ST6GAL2: variants seen among roughly 807,000 people sequenced by gnomAD.
ST6GAL2 encodes ST6 beta-galactoside alpha-2,6-sialyltransferase 2.
In ST6GAL2, 24 loss-of-function variants were observed where a neutral mutation model predicts 37.5. The observed-to-expected ratio is 0.64, with a 90% CI of 0.46 to 0.90. ST6GAL2 has a LOEUF of 0.90. ST6GAL2 is among the 40% of genes least tolerant of loss of function. The probability of loss-of-function intolerance (pLI) is 0.00; values close to 1 mark genes in which losing one functional copy is unlikely to be tolerated. For synonymous variants in ST6GAL2, 306 were observed against 295.1 expected, an observed-to-expected ratio of 1.04 and a Z score of -0.38; for missense variants, 715 against 712.7, an observed-to-expected ratio of 1.00 and a Z score of -0.04.
At chr2:106,819,528 A>T (rs920886345) in intron 5 of ST6GAL2, among the ~76,000 whole-genome samples, 2 of 152,138 alleles carry the variant, frequency 1.3e-5, no homozygotes, top group African/African-American at 4.8e-5. Flanking sequence ...TCCTTCAAAC[A>T]TAAAGGAGAA....
chr2:106,869,998 G>A (rs967035735), intron 1 of ST6GAL2, among the ~76,000 whole-genome samples: 1 of 152,156 alleles, frequency 6.6e-6, no homozygotes, highest in Non-Finnish European at 1.5e-5. Flanking sequence ...GTGGTGTGAC[G>A]GACCAACACA....
At chr2:106,838,315 G>A (rs1296715765) in intron 2 of ST6GAL2, among the ~76,000 whole-genome samples, 4 of 152,140 alleles carry the variant, frequency 2.6e-5, no homozygotes, top group Non-Finnish European at 4.4e-5. Context: ...CCCGGTCACC[G>A]CCCTGCCCCA....
At position 106,843,684 on chromosome 2, in the gene ST6GAL2, T is replaced by C. The variant is rs772415323; in HGVS notation, c.294A>G (p.Lys98=). The C allele has an allele frequency of 6.2e-7, 1 of 1,613,244 alleles. No homozygotes were observed. Among genetic ancestry groups the C allele is most frequent in the East Asian group, 2.2e-5 (1 of 44,860 alleles). Residue 98 remains lysine, a synonymous_variant, in exon 2 of 6, where the codon AAA becomes AAG. Transcript: ENST00000409382. Reference sequence around the variant, plus strand: ...CAAACCCATCTTGGGACTGGGCCCATTTCTGCAGGTCTCCAGGCCCCGCAT... The same window carrying C: ...CAAACCCATCTTGGGACTGGGCCCACTTCTGCAGGTCTCCAGGCCCCGCAT... The part of the protein sequence containing the change: ...SFHAGPGDLQ[K]WAQSQDGFEH...
In ST6GAL2 at chr2:106,879,822, TATAG is replaced by T. The variant is rs1276283493; in HGVS notation, c.-58+6267_-58+6270del. Among the ~76,000 whole-genome samples, 6 of 147,830 alleles carry T rather than the reference TATAG, an allele frequency of 4.1e-5. No homozygotes were observed. In the South Asian group the frequency reaches 8.4e-4, roughly 21 times the overall value. ...TATAGACAAATTATATACTATTATA[TATAG>T]ATAATTAATCTATATATAATCTATA... On this transcript the variant is annotated intron_variant, in intron 1 of 5. Transcript: ENST00000409382.
In ST6GAL2 at chr2:106,806,405, G is replaced by GTA. The variant is rs1675414397; in HGVS notation, c.*271_*272dup. On this transcript the variant is annotated 3_prime_UTR_variant, in exon 6 of 6. Transcript: ENST00000409382. ...GAATAAGTTGTTAACATTTCTGGAG[G>GTA]TATCATACCCATGGTCATACATGTG... The GTA allele has an allele frequency of 7.6e-6, 3 of 394,626 alleles. No homozygotes were observed. Among genetic ancestry groups the GTA allele is most frequent in the Non-Finnish European group, 1.4e-5 (3 of 218,890 alleles). The allele number at this position is 394,626 out of a possible 1,614,324, so 24.4% of individuals were successfully genotyped here.
At chr2:106,813,633 T>C (rs751532758) in intron 5 of ST6GAL2, among the ~76,000 whole-genome samples, 1 of 152,242 alleles carries the variant, frequency 6.6e-6, no homozygotes, top group Non-Finnish European at 1.5e-5. Flanking sequence ...CTTGGCAGAA[T>C]ATTTAAAATA....
At chr2:106,824,227 C>T (rs1676116587) in intron 5 of ST6GAL2, among the ~76,000 whole-genome samples, 1 of 152,172 alleles carries the variant, frequency 6.6e-6, no homozygotes, top group Admixed American at 6.5e-5. Flanking sequence ...TGTCATTTCA[C>T]AAGAAGTTTT....
At chr2:106,807,043 T>C in intron 5 of ST6GAL2, 94 bp from the exon 6 acceptor site, 1 of 1,054,072 alleles carries the variant, frequency 9.5e-7, no homozygotes. Flanking sequence ...GGGATATGAC[T>C]GTGGCAAGAG....
chr2:106,872,038 G>A (rs1306636314), intron 1 of ST6GAL2, among the ~76,000 whole-genome samples: 2 of 152,162 alleles, frequency 1.3e-5, no homozygotes, highest in Non-Finnish European at 2.9e-5. Context: ...GTTTATACCA[G>A]CATCATCACT....
intron 5 of ST6GAL2, among the ~76,000 whole-genome samples, chr2:106,827,083 C>T (rs763442577): frequency 3.0e-4 from 46 of 152,252 alleles, no homozygotes; most frequent in African/African-American, 9.9e-4. Context: ...CAGGAGCTGA[C>T]GTTAGAGGTT....
At position 106,843,512 on chromosome 2, in the gene ST6GAL2, GCT is replaced by G; in HGVS notation, c.464_465del (p.Glu155AlafsTer163). 6.2e-7 allele frequency: 1 copy of G among 1,614,048 alleles called. No individual in the cohort carries two copies. The highest frequency in any genetic ancestry group is 8.5e-7 in the Non-Finnish European group (1 of 1,180,016). ...GGAAAAGCCCCCTCCCGTGGGCCTGGCTCCCCGGGGGAAGGGAATCCCAATGT... is the reference window on the plus strand; with the variant it reads ...GGAAAAGCCCCCTCCCGTGGGCCTGGCCCCGGGGGAAGGGAATCCCAATGT... ...QGTLGFPSPG[E>X]PGPREGAFPA... On this transcript the variant is annotated frameshift_variant, in exon 2 of 6. Coordinates refer to ENST00000409382, the MANE Select transcript of ST6GAL2 (RefSeq NM_001142351.2). LOFTEE classifies it high-confidence loss of function.
At chr2:106,880,015 T>C (rs1325217989) in intron 1 of ST6GAL2, among the ~76,000 whole-genome samples, 1 of 149,238 alleles carries the variant, frequency 6.7e-6, no homozygotes, top group African/African-American at 2.4e-5. Context: ...TATAGACCAA[T>C]TATATACATA....
At chr2:106,818,782 G>A (rs1675897745) in intron 5 of ST6GAL2, among the ~76,000 whole-genome samples, 1 of 151,954 alleles carries the variant, frequency 6.6e-6, no homozygotes, top group Admixed American at 6.6e-5. Flanking sequence ...AGAGATATGT[G>A]ACCTTTGAAC....
chr2:106,824,062 T>A (rs1676110499), intron 5 of ST6GAL2, among the ~76,000 whole-genome samples: 1 of 152,224 alleles, frequency 6.6e-6, no homozygotes, highest in African/African-American at 2.4e-5. Context: ...AGTGAGAGAA[T>A]GCCTTCCTGC....
intron 1 of ST6GAL2, among the ~76,000 whole-genome samples, chr2:106,861,862 C>A (rs1677813580): frequency 6.6e-6 from 1 of 152,100 alleles, no homozygotes; most frequent in Non-Finnish European, 1.5e-5. Flanking sequence ...GAACTCCTGA[C>A]CTCAAGTGAT....
At chr2:106,847,924 A>G (rs146011199) in intron 1 of ST6GAL2, among the ~76,000 whole-genome samples, 1 of 152,242 alleles carries the variant, frequency 6.6e-6, no homozygotes, top group Non-Finnish European at 1.5e-5. Flanking sequence ...TTAGATAGGC[A>G]TGATTGATTA....
chr2:106,820,879 T>C (rs1675978133), intron 5 of ST6GAL2, among the ~76,000 whole-genome samples: 1 of 151,930 alleles, frequency 6.6e-6, no homozygotes, highest in East Asian at 1.9e-4. Flanking sequence ...GAAAATAAAA[T>C]GGTATGTTCC....
intron 2 of ST6GAL2, 108 bp from the exon 3 acceptor site, chr2:106,834,254 C>A: frequency 2.8e-6 from 2 of 720,880 alleles, no homozygotes; most frequent in Admixed American, 2.3e-5. Context: ...TTATACATCA[C>A]CAATAAAGTT....
rs1400291740 is a variant in ST6GAL2, at chr2:106,802,565, A to G, written c.*4113T>C. ...AGTGTGTAAATAATGCCCATGTGAC[A>G]GAAACATGCATAATAATCTCATAAG... On this transcript the variant is annotated 3_prime_UTR_variant, in exon 6 of 6. Transcript: ENST00000409382. 2 of 152,208 alleles carry G rather than the reference A, an allele frequency of 1.3e-5. No individual in the cohort carries two copies. The highest frequency in any genetic ancestry group is 2.4e-5 in the African/African-American group (1 of 41,456). 9.4% of individuals were successfully genotyped at this position (152,208 alleles called of 1,614,324 possible). A position where few individuals can be genotyped will look rare whatever the true frequency, so the allele number is the denominator to read the frequency against.
Sources: allele counts gnomAD v4.1 joint callset (sites outside exome capture counted in the v4.1 genomes callset), GRCh38; gene constraint gnomAD v4.1.1; transcripts MANE v1.5; gene names NCBI Gene and HGNC (gene_info 2026-07-23, HGNC 2026-07-21).